NAV2: variants seen among roughly 807,000 people sequenced by gnomAD.
NAV2 encodes helicase, APC down-regulated 1.
A neutral mutation model predicts 223.2 loss-of-function variants in NAV2; 54 were observed. The observed-to-expected ratio is 0.24, with a 90% CI of 0.19 to 0.30. The LOEUF is 0.30. NAV2 is among the 10% of genes least tolerant of loss of function. The probability of loss-of-function intolerance (pLI) is 1.00; values close to 1 mark genes in which losing one functional copy is unlikely to be tolerated. For missense variants in NAV2, 2,806 were observed against 3,147.5 expected (o/e 0.89, Z 2.60); for synonymous variants, 1,279 against 1,239.3 (o/e 1.03, Z -0.67).
chr11:19,673,974 C>T (rs2048643740), intron 1 of NAV2, among the ~76,000 whole-genome samples: 1 of 152,202 alleles, frequency 6.6e-6, no homozygotes, highest in African/African-American at 2.4e-5. Context: ...CCAGGCGCCT[C>T]CTCCAAGCTG....
chr11:19,586,917 A>T (rs2045917555), intron 1 of NAV2, among the ~76,000 whole-genome samples: 1 of 152,186 alleles, frequency 6.6e-6, no homozygotes, highest in South Asian at 2.1e-4. Flanking sequence ...TCAGTCGGGG[A>T]CATTTAAGTC....
chr11:19,866,011 C>T (rs932707626), intron 3 of NAV2, among the ~76,000 whole-genome samples: 2 of 152,204 alleles, frequency 1.3e-5, no homozygotes, highest in Non-Finnish European at 2.9e-5. Flanking sequence ...TGACATTGAC[C>T]TGTGTAATCT....
intron 6 of NAV2, among the ~76,000 whole-genome samples, chr11:19,898,646 C>T (rs1489930284): frequency 1.3e-5 from 2 of 152,028 alleles, no homozygotes; most frequent in African/African-American, 4.8e-5. Flanking sequence ...AAATTAATAT[C>T]CTTGTATGTT....
chr11:19,405,517 G>T (rs1333742782), intron 1 of NAV2, among the ~76,000 whole-genome samples: 1 of 152,180 alleles, frequency 6.6e-6, no homozygotes, highest in Non-Finnish European at 1.5e-5. Context: ...CTGCTGAAAG[G>T]TGTGTGTGTC....
chr11:19,739,042 A>G (rs4757010), intron 1 of NAV2, among the ~76,000 whole-genome samples: 144,070 of 152,282 alleles, frequency 0.95, 68,576 homozygotes, highest in East Asian at 1. Context: ...TTAGCTGGGC[A>G]TAGTGGCACA....
chr11:19,501,129 T>C (rs1389381896), intron 1 of NAV2, among the ~76,000 whole-genome samples: 1 of 152,204 alleles, frequency 6.6e-6, no homozygotes, highest in Non-Finnish European at 1.5e-5. Flanking sequence ...AACATTCATC[T>C]GTAATCACAT....
At chr11:19,961,417 G>A (rs186454930) in intron 10 of NAV2, among the ~76,000 whole-genome samples, 1 of 152,296 alleles carries the variant, frequency 6.6e-6, no homozygotes, top group East Asian at 1.9e-4. Context: ...TTTGGACAAG[G>A]TTGGGAGTAT....
chr11:19,475,313 A>G (rs2042083871), intron 1 of NAV2, among the ~76,000 whole-genome samples: 1 of 152,226 alleles, frequency 6.6e-6, no homozygotes, highest in Non-Finnish European at 1.5e-5. Flanking sequence ...CTTTCTTTTC[A>G]GTGAAGCCCA....
At chr11:19,696,024 T>C (rs957243494) in intron 1 of NAV2, among the ~76,000 whole-genome samples, 4 of 151,920 alleles carry the variant, frequency 2.6e-5, no homozygotes, top group African/African-American at 9.7e-5. Flanking sequence ...GAGGCTTGGC[T>C]TGCTAGGACA....
intron 17 of NAV2, among the ~76,000 whole-genome samples, chr11:20,053,306 C>T (rs1055204967): frequency 2.8e-5 from 4 of 140,940 alleles, no homozygotes; most frequent in Non-Finnish European, 6.1e-5. Context: ...TAAAATCAAA[C>T]ATGGATTGAA....
At chr11:19,480,657 C>T (rs1259506256) in intron 1 of NAV2, among the ~76,000 whole-genome samples, 2 of 152,212 alleles carry the variant, frequency 1.3e-5, no homozygotes, top group African/African-American at 4.8e-5. Flanking sequence ...TCAGCATCAT[C>T]TGACATTATG....
intron 1 of NAV2, among the ~76,000 whole-genome samples, chr11:19,433,929 C>G (rs1851121299): frequency 6.6e-6 from 1 of 152,198 alleles, no homozygotes; most frequent in Non-Finnish European, 1.5e-5. Flanking sequence ...AGATGAGCCT[C>G]AAAATCGCAA....
intron 1 of NAV2, among the ~76,000 whole-genome samples, chr11:19,425,178 T>C (rs1051449211): frequency 6.6e-6 from 1 of 152,128 alleles, no homozygotes. Context: ...AGTGAAGAGA[T>C]TGTTTATAGA....
At chr11:19,657,529 G>A (rs1048004972) in intron 1 of NAV2, among the ~76,000 whole-genome samples, 2 of 152,156 alleles carry the variant, frequency 1.3e-5, no homozygotes, top group African/African-American at 4.8e-5. Flanking sequence ...TATCTGAATT[G>A]TTGCCCATTT....
intron 10 of NAV2, among the ~76,000 whole-genome samples, chr11:19,983,899 A>G (rs374478437): frequency 2.2e-4 from 33 of 151,934 alleles, no homozygotes; most frequent in African/African-American, 7.7e-4. Flanking sequence ...AATTAAGCTG[A>G]GTTCGCTCTC....
intron 1 of NAV2, among the ~76,000 whole-genome samples, chr11:19,808,669 G>C (rs1228280857): frequency 6.6e-6 from 1 of 152,200 alleles, no homozygotes; most frequent in Non-Finnish European, 1.5e-5. Flanking sequence ...TCTATTAATA[G>C]TTGGTACAAT....
intron 27 of NAV2, 121 bp downstream of exon 27, chr11:20,091,139 C>T (rs919732180): frequency 2.0e-6 from 2 of 1,013,922 alleles, no homozygotes; most frequent in Admixed American, 2.5e-5. Flanking sequence ...CTTTCCCAGC[C>T]TTTATCTCTT....
intron 11 of NAV2, among the ~76,000 whole-genome samples, chr11:20,033,898 T>C (rs1048205716): frequency 3.9e-5 from 6 of 152,158 alleles, no homozygotes; most frequent in African/African-American, 1.4e-4. Flanking sequence ...CGCTGCCACT[T>C]TGTAGGGCTT....
At chr11:19,858,182 G>A (rs1386882266) in intron 3 of NAV2, among the ~76,000 whole-genome samples, 2 of 152,176 alleles carry the variant, frequency 1.3e-5, no homozygotes, top group Non-Finnish European at 2.9e-5. Context: ...ATGACTGAAA[G>A]TTGATGCCTT....
Sources: gnomAD v4.1 joint callset for allele counts (sites outside exome capture counted in the v4.1 genomes callset) on GRCh38, gnomAD v4.1.1 for gene constraint, MANE v1.5 for transcripts, NCBI Gene and HGNC (gene_info 2026-07-23, HGNC 2026-07-21) for gene names.